The following NBEA variants were observed in gnomAD, a reference collection of about 807,000 sequenced individuals.
NBEA encodes the protein neurobeachin.
In NBEA, 44 loss-of-function variants were observed where a neutral mutation model predicts 343.4. The ratio of observed to expected loss-of-function variants is 0.13; its 90% CI spans 0.10 to 0.16. The LOEUF (loss-of-function observed/expected upper bound fraction) is 0.16. NBEA is among the 10% of genes least tolerant of loss of function. NBEA has a pLI of 1.00. For missense variants in NBEA, 2,555 were observed against 3,631.3 expected (o/e 0.70, Z 7.62); for synonymous variants, 1,175 against 1,238.7 (o/e 0.95, Z 1.08).
At chr13:35,576,988 CTG>C (rs2080774798) in intron 45 of NBEA, among the ~76,000 whole-genome samples, 1 of 152,128 alleles carries the variant, frequency 6.6e-6, no homozygotes, top group African/African-American at 2.4e-5. Context: ...GCCCATATAA[CTG>C]AGAAATCCAG....
At chr13:35,473,207 G>A (rs774312576) in intron 41 of NBEA, among the ~76,000 whole-genome samples, 2 of 151,230 alleles carry the variant, frequency 1.3e-5, no homozygotes. Context: ...GAGTATTAGA[G>A]TAGCTCTTTC....
intron 40 of NBEA, among the ~76,000 whole-genome samples, chr13:35,455,929 G>A (rs1387595503): frequency 2.6e-5 from 4 of 151,930 alleles, no homozygotes; most frequent in Non-Finnish European, 4.4e-5. Context: ...GTGTTTGTAG[G>A]TATATATCAT....
chr13:35,559,030 A>T (rs1255009524), intron 44 of NBEA, among the ~76,000 whole-genome samples: 4 of 151,918 alleles, frequency 2.6e-5, no homozygotes, highest in Non-Finnish European at 5.9e-5. Flanking sequence ...ATCCTGAGGT[A>T]CTCTCCCTGG....
intron 36 of NBEA, among the ~76,000 whole-genome samples, chr13:35,348,343 A>G (rs1475606952): frequency 6.6e-6 from 1 of 152,074 alleles, no homozygotes; most frequent in East Asian, 1.9e-4. Flanking sequence ...TTGTATTTTT[A>G]TTTATATATT....
At chr13:35,023,250 C>T (rs929026416) in intron 1 of NBEA, among the ~76,000 whole-genome samples, 16 of 152,028 alleles carry the variant, frequency 1.1e-4, no homozygotes, top group African/African-American at 3.4e-4. Flanking sequence ...AACATTTTCC[C>T]CCAGATTTTA....
At chr13:35,405,932 A>C (rs2043245460) in intron 38 of NBEA, among the ~76,000 whole-genome samples, 1 of 152,116 alleles carries the variant, frequency 6.6e-6, no homozygotes, top group Admixed American at 6.6e-5. Flanking sequence ...TGGCCCTAAG[A>C]TTGCTTTAAA....
At position 35,159,394 on chromosome 13, in the gene NBEA, G is replaced by T; in HGVS notation, c.3223G>T (p.Asp1075Tyr). 1 of 1,613,386 alleles carries T rather than the reference G, an allele frequency of 6.2e-7. No individual in the cohort carries two copies. The highest frequency in any genetic ancestry group is 8.5e-7 in the Non-Finnish European group (1 of 1,179,656). The part of the protein sequence containing the change: ...EATEVKLDDM[D>Y]LSPETLVGGE... Reference sequence around the variant, plus strand: ...AACAGAAGTAAAGCTCGATGATATGGATTTATCACCGGAGACTTTAGTAGG... The same window carrying T: ...AACAGAAGTAAAGCTCGATGATATGTATTTATCACCGGAGACTTTAGTAGG... The change falls in exon 22 of 59, where the codon GAT becomes TAT. Residue 1075 changes from aspartate to tyrosine, a missense_variant. Physicochemically the swap from Asp to Tyr is radical, Grantham distance 160 (BLOSUM62 -3). This residue lies in a region of NBEA where 367 missense variants were observed against 377.5 expected (regional missense o/e 0.97). Transcript: ENST00000379939.
intron 1 of NBEA, 118 bp downstream of exon 1, chr13:34,943,232 C>T: frequency 1.5e-6 from 2 of 1,349,866 alleles, no homozygotes; most frequent in East Asian, 2.5e-5. Flanking sequence ...CCTGGGAGCG[C>T]AGAGCGTTCA....
At chr13:35,135,698 T>G (rs1304263603) in intron 17 of NBEA, among the ~76,000 whole-genome samples, 1 of 151,968 alleles carries the variant, frequency 6.6e-6, no homozygotes, top group Non-Finnish European at 1.5e-5. Flanking sequence ...CTAGTGGACT[T>G]TATATCAAGG....
chr13:35,111,270 T>A (rs2066192010), intron 13 of NBEA, among the ~76,000 whole-genome samples: 1 of 152,114 alleles, frequency 6.6e-6, no homozygotes, highest in Non-Finnish European at 1.5e-5. Flanking sequence ...TAAATGATAT[T>A]GGTTATAACT....
In NBEA at chr13:35,437,726, G is replaced by A. The variant is rs879504982; in HGVS notation, c.6304+5333G>A. On this transcript the variant is annotated intron_variant, in intron 39 of 58. Transcript: ENST00000379939. ...GGACCATAGCAATGGAACAGTATAA[G>A]GAAAATATTTTAAAACTCATAAACT... Among the ~76,000 whole-genome samples the A allele has an allele frequency of 1.5e-4, 23 of 152,062 alleles. 1 individual carries two copies. Among genetic ancestry groups the A allele is most frequent in the Non-Finnish European group, 2.4e-4 (16 of 67,988 alleles).
chr13:35,090,922 T>G (rs2065048038), intron 10 of NBEA, among the ~76,000 whole-genome samples: 1 of 152,044 alleles, frequency 6.6e-6, no homozygotes, highest in South Asian at 2.1e-4. Flanking sequence ...GTGAGTTCAC[T>G]ATACTTTTTG....
chr13:35,177,981 A>G (rs958768574), intron 28 of NBEA, among the ~76,000 whole-genome samples: 6 of 151,800 alleles, frequency 4.0e-5, no homozygotes, highest in Non-Finnish European at 8.9e-5. Context: ...TCTGTTTAAT[A>G]TATATTAGTT....
intron 41 of NBEA, among the ~76,000 whole-genome samples, chr13:35,473,536 A>G (rs1357353082): frequency 6.6e-6 from 1 of 152,206 alleles, no homozygotes; most frequent in Non-Finnish European, 1.5e-5. Flanking sequence ...CCCATAGGTG[A>G]TCAGCCTTTT....
intron 34 of NBEA, among the ~76,000 whole-genome samples, chr13:35,258,882 C>T (rs1027961434): frequency 1.3e-5 from 2 of 152,080 alleles, no homozygotes; most frequent in African/African-American, 4.8e-5. Context: ...CAACATGTTA[C>T]CATAAAGTAG....
intron 41 of NBEA, among the ~76,000 whole-genome samples, chr13:35,502,648 C>A (rs995332899): frequency 6.6e-6 from 1 of 152,020 alleles, no homozygotes. Context: ...CATTCAGTGA[C>A]CTCACTATGG....
chr13:35,072,516 A>G (rs980812533), intron 10 of NBEA, among the ~76,000 whole-genome samples: 15 of 151,496 alleles, frequency 9.9e-5, no homozygotes, highest in Non-Finnish European at 2.9e-5. Context: ...ACTAATTCCA[A>G]CCTTTTCAGT....
At chr13:35,615,342 G>A (rs1408067679) in intron 48 of NBEA, among the ~76,000 whole-genome samples, 2 of 151,050 alleles carry the variant, frequency 1.3e-5, no homozygotes, top group Admixed American at 6.6e-5. Context: ...AACCCATTGA[G>A]GTAAAAATAT....
intron 1 of NBEA, among the ~76,000 whole-genome samples, chr13:34,996,779 G>C (rs1046024592): frequency 6.6e-6 from 1 of 152,116 alleles, no homozygotes. Flanking sequence ...GCGTGTGTGT[G>C]TATGTTTTGA....
Sources: allele counts gnomAD v4.1 joint callset (sites outside exome capture counted in the v4.1 genomes callset), GRCh38; gene constraint gnomAD v4.1.1; regional missense constraint gnomAD v4.1.1; transcripts MANE v1.5; gene names NCBI Gene and HGNC (gene_info 2026-07-23, HGNC 2026-07-21).